The following TLR5 variants were observed in gnomAD, a reference collection of about 807,000 sequenced individuals.
The protein encoded by TLR5 is toll-like receptor 5.
For missense variants in TLR5, 944 were observed against 999.8 expected, an observed-to-expected ratio of 0.94 and a Z score of 0.75; for synonymous variants, 373 against 384.4, an observed-to-expected ratio of 0.97 and a Z score of 0.35.
In TLR5 at chr1:223,111,188, G is replaced by C. The variant is rs1000240065; in HGVS notation, c.1844C>G (p.Ser615Trp). The C allele has an allele frequency of 1.2e-6, 2 of 1,614,064 alleles. No homozygotes were observed. The highest frequency in any genetic ancestry group is 1.3e-5 in the African/African-American group (1 of 74,922). Reference protein sequence around the residue: ...PADIYCVYPDSFSGVSLFSLS... With the variant: ...PADIYCVYPDWFSGVSLFSLS... ...AGAGAAGAGGGAAACCCCAGAGAACGAGTCAGGGTACACACAATATATGTC... is the reference window on the plus strand; with the variant it reads ...AGAGAAGAGGGAAACCCCAGAGAACCAGTCAGGGTACACACAATATATGTC... The change falls in exon 6 of 6, where the codon TCG becomes TGG. Residue 615 changes from serine (S) to tryptophan (W), a missense_variant. Physicochemically the swap from Ser to Trp is radical, Grantham distance 177. Transcript: ENST00000642603.
intron 5 of TLR5, among the ~76,000 whole-genome samples, chr1:223,119,785 C>A (rs1446437960): frequency 6.6e-6 from 1 of 150,944 alleles, no homozygotes; most frequent in African/African-American, 2.4e-5. Context: ...TATGGTGGAA[C>A]CCCGTCTCTA....
chr1:223,138,688 G>A (rs978565663), intron 2 of TLR5, among the ~76,000 whole-genome samples: 1 of 152,120 alleles, frequency 6.6e-6, no homozygotes, highest in Admixed American at 6.5e-5. Context: ...AAAAATTTTT[G>A]CGTAGTACTC....
chr1:223,112,744 G>A lies in TLR5; in HGVS notation c.288C>T (p.Asn96=). The A allele has an allele frequency of 1.2e-6, 2 of 1,614,150 alleles. No individual in the cohort carries two copies. Among genetic ancestry groups the A allele is most frequent in the Non-Finnish European group, 1.7e-6 (2 of 1,180,036 alleles). Residue 96 remains asparagine (N), a synonymous_variant, in exon 6 of 6, where the codon AAC becomes AAT. Coordinates refer to ENST00000642603, the MANE Select transcript of TLR5 (RefSeq NM_003268.6). Reference sequence around the variant, plus strand: ...TACTTCCCAGGTCCAAGATTCTAAGGTTGGGCAGGTTTCTGAAGGCCTCCT... The same window carrying A: ...TACTTCCCAGGTCCAAGATTCTAAGATTGGGCAGGTTTCTGAAGGCCTCCT... The part of the protein sequence containing the change: ...IDKEAFRNLP[N]LRILDLGSSK...
chr1:223,117,040 G>A (rs547411576), intron 5 of TLR5, among the ~76,000 whole-genome samples: 35 of 152,274 alleles, frequency 2.3e-4, no homozygotes, highest in South Asian at 6.2e-4. Context: ...AGGCTTGGCC[G>A]CGTGAGAGCC....
intron 5 of TLR5, among the ~76,000 whole-genome samples, chr1:223,117,154 C>T (rs1011327071): frequency 7.9e-5 from 12 of 152,006 alleles, no homozygotes; most frequent in South Asian, 2.1e-4. Context: ...CCGGCGGGGC[C>T]GGCAGTGCTG....
chr1:223,114,104 G>T (rs752653326), intron 5 of TLR5, among the ~76,000 whole-genome samples: 1 of 152,168 alleles, frequency 6.6e-6, no homozygotes, highest in African/African-American at 2.4e-5. Flanking sequence ...CCTAGTGCTC[G>T]CCTGGCAGCT....
intron 5 of TLR5, among the ~76,000 whole-genome samples, chr1:223,126,603 C>T (rs573635361): frequency 1.1e-4 from 16 of 152,180 alleles, no homozygotes; most frequent in Non-Finnish European, 1.9e-4. Context: ...GCCTCTGAGG[C>T]CTGGAAAGTG....
intron 5 of TLR5, among the ~76,000 whole-genome samples, chr1:223,114,710 T>G (rs1571731348): frequency 6.6e-6 from 1 of 152,146 alleles, no homozygotes; most frequent in East Asian, 1.9e-4. Context: ...CTGGATTGAC[T>G]CAAAGTTTCA....
chr1:223,132,200 A>G (rs754710651), intron 5 of TLR5, among the ~76,000 whole-genome samples: 62 of 152,060 alleles, frequency 4.1e-4, no homozygotes, highest in Admixed American at 2.0e-4. Flanking sequence ...TTGTCTCTAC[A>G]AAAAACAGAA....
rs1483665657 is a variant in TLR5, at chr1:223,112,785, G to C, written c.247C>G (p.Pro83Ala). 1 of 1,612,988 alleles carries C rather than the reference G, an allele frequency of 6.2e-7. No homozygotes were observed. The highest frequency in any genetic ancestry group is 8.5e-7 in the Non-Finnish European group (1 of 1,179,438). Residue 83 changes from proline (P) to alanine (A), a missense_variant, in exon 6 of 6, where the codon CCC becomes GCC. Transcript: ENST00000642603. ...AAGGCCTCCTTGTCAATAGTCAAGG[G>C]GGTATACTGGCTCCCGAGCTCCAGC... is the stretch of plus-strand genomic sequence containing the variant. ...QLLELGSQYTPLTIDKEAFRN... is the reference protein window; with the variant it reads ...QLLELGSQYTALTIDKEAFRN...
intron 2 of TLR5, among the ~76,000 whole-genome samples, chr1:223,138,009 A>AGT (rs937221246): frequency 8.5e-6 from 1 of 117,738 alleles, no homozygotes; most frequent in Non-Finnish European, 1.6e-5. Context: ...CCCAGACTGG[A>AGT]GTGAAGTGGT....
At chr1:223,126,618 T>G (rs947836790) in intron 5 of TLR5, among the ~76,000 whole-genome samples, 1 of 152,200 alleles carries the variant, frequency 6.6e-6, no homozygotes, top group African/African-American at 2.4e-5. Context: ...AAAGTGCATT[T>G]TATAGCCATA....
chr1:223,111,802 C>G lies in TLR5; in HGVS notation c.1230G>C (p.Leu410Phe). ...GCAAAGTCACTAGTTTATTGCCACT[C>G]AAGAAGATATCGGGTATGCTTGGAA... ...HFIPSIPDIF[L>F]SGNKLVTLPK... Residue 410 changes from leucine (L) to phenylalanine (F), a missense_variant, in exon 6 of 6, where the codon TTG becomes TTC. Physicochemically the swap from Leu to Phe is conservative, Grantham distance 22. Transcript: ENST00000642603. The G allele has an allele frequency of 1.2e-6, 2 of 1,614,056 alleles. No homozygotes were observed. Among genetic ancestry groups the G allele is most frequent in the East Asian group, 4.5e-5 (2 of 44,870 alleles).
In TLR5 at chr1:223,138,856, A is replaced by G. The variant is rs5744126; in HGVS notation, c.-438-1593T>C. 1.7e-3 allele frequency among the ~76,000 whole-genome samples: 262 copies of G among 152,292 alleles called. 1 individual carries two copies. Among genetic ancestry groups the G allele is most frequent in the African/African-American group, 5.6e-3 (232 of 41,564 alleles). On this transcript the variant is annotated intron_variant, in intron 2 of 5. Transcript: ENST00000642603. ...AATCTCATCTTGAATTGTAGCTCCC[A>G]TAATCCCCACGTGTTGAGGGAGGAA...
Position 223,112,013 on chromosome 1 carries a change from A to C in TLR5, c.1019T>G (p.Val340Gly), listed in dbSNP as rs1251247453. 8 of 1,614,244 alleles carry C rather than the reference A, an allele frequency of 5.0e-6. No homozygotes were observed. Among genetic ancestry groups the C allele is most frequent in the Non-Finnish European group, 5.9e-6 (7 of 1,180,046 alleles). ...EAFYGLDNLQVLNLSYNLLGE... is the reference protein window; with the variant it reads ...EAFYGLDNLQGLNLSYNLLGE... ...CAGAAGGTTATATGACAAATTGAGA[A>C]CTTGGAGGTTGTCAAGTCCGTAAAA... The change falls in exon 6 of 6, where the codon GTT (valine) becomes GGT (glycine). Residue 340 changes from valine to glycine, a missense_variant. Transcript: ENST00000642603.
chr1:223,120,022 A>T (rs996443738), intron 5 of TLR5, among the ~76,000 whole-genome samples: 17 of 107,430 alleles, frequency 1.6e-4, no homozygotes, highest in African/African-American at 4.1e-4. Flanking sequence ...TAAAATAAAA[A>T]GATATCAACA....
chr1:223,111,629 G>A lies in TLR5; in HGVS notation c.1403C>T (p.Thr468Ile). 3 of 1,614,136 alleles carry A rather than the reference G, an allele frequency of 1.9e-6. No homozygotes were observed. The highest frequency in any genetic ancestry group is 2.5e-6 in the Non-Finnish European group (3 of 1,180,018). The change falls in exon 6 of 6, where the codon ACC becomes ATC. Residue 468 changes from threonine to isoleucine, a missense_variant. Coordinates refer to ENST00000642603, the MANE Select transcript of TLR5 (RefSeq NM_003268.6). The stretch of plus-strand genomic sequence containing the variant: ...TTCTAAGCTGGGATTCTCTGAAGGG[G>A]TTTGATCTCCACTACAGGAGGAGAA... ...NRFSSCSGDQ[T>I]PSENPSLEQL...
intron 5 of TLR5, among the ~76,000 whole-genome samples, chr1:223,113,817 T>A (rs1316458990): frequency 6.6e-6 from 1 of 152,212 alleles, no homozygotes; most frequent in Non-Finnish European, 1.5e-5. Flanking sequence ...GTTTATTCAT[T>A]CATGATTTGC....
Position 223,123,421 on chromosome 1 carries a change from A to AAAGT in TLR5, c.-5+9050_-5+9053dup, listed in dbSNP as rs924671670. The AAAGT allele has an allele frequency of 1.6e-4, 25 of 152,344 alleles. No homozygotes were observed. In the South Asian group the frequency reaches 3.3e-3, roughly 20 times the overall value. 9.4% of individuals were successfully genotyped at this position (152,344 alleles called of 1,614,324 possible). Reference sequence around the variant, plus strand: ...AGTACCTAATAGGGAAGCTAAAATGAAAGTAAGTAAGTAAGGTGGATAAGG... The same window carrying AAAGT: ...AGTACCTAATAGGGAAGCTAAAATGAAAGTAAGTAAGTAAGTAAGGTGGATAAGG... On this transcript the variant is annotated intron_variant, in intron 5 of 5. Coordinates refer to ENST00000642603, the MANE Select transcript of TLR5 (RefSeq NM_003268.6).
Sources: allele counts gnomAD v4.1 joint callset (sites outside exome capture counted in the v4.1 genomes callset), GRCh38; gene constraint gnomAD v4.1.1; transcripts MANE v1.5; gene names NCBI Gene and HGNC (gene_info 2026-07-23, HGNC 2026-07-21).